Variants in ARRB1 observed in about 807,000 individuals in gnomAD.
The protein encoded by ARRB1 is beta-arrestin-1.
ARRB1 carries 21 observed loss-of-function variants against 56.8 expected under a neutral mutation model. The observed-to-expected ratio is 0.37, with a 90% CI of 0.26 to 0.53. The LOEUF (loss-of-function observed/expected upper bound fraction) is 0.53. Ranked by LOEUF, ARRB1 falls within the 20% of genes least tolerant of loss-of-function variation. ARRB1 has a pLI of 0.88. For missense variants in ARRB1, 424 were observed against 553.7 expected, an observed-to-expected ratio of 0.77 and a Z score of 2.35; for synonymous variants, 210 against 218.6, an observed-to-expected ratio of 0.96 and a Z score of 0.35.
At chr11:75,287,544 C>T (rs557229770) in intron 2 of ARRB1, among the ~76,000 whole-genome samples, 169 bp from the exon 3 acceptor site, 14 of 152,338 alleles carry the variant, frequency 9.2e-5, no homozygotes, top group South Asian at 2.1e-4. Flanking sequence ...TACCAAGATT[C>T]GCAAACCCCT....
intron 1 of ARRB1, among the ~76,000 whole-genome samples, chr11:75,348,951 A>G (rs567040816): frequency 8.7e-4 from 132 of 152,208 alleles, no homozygotes; most frequent in African/African-American, 3.1e-3. Context: ...GGGCAATGAC[A>G]GTTTGTGATA....
At chr11:75,321,044 G>A (rs564716116) in intron 1 of ARRB1, among the ~76,000 whole-genome samples, 1 of 152,248 alleles carries the variant, frequency 6.6e-6, no homozygotes, top group South Asian at 2.1e-4. Flanking sequence ...GGGCTAAGAG[G>A]CTCCCAGGGA....
rs1407430854 is a variant in ARRB1, at chr11:75,261,981, AGCTGCCGCTCTGGGATGCTGAC to A, written c.*4160_*4181del. 2 of 152,148 alleles carry A rather than the reference AGCTGCCGCTCTGGGATGCTGAC, an allele frequency of 1.3e-5. No individual in the cohort carries two copies. Among genetic ancestry groups the A allele is most frequent in the Non-Finnish European group, 2.9e-5 (2 of 68,034 alleles). 9.4% of individuals were successfully genotyped at this position (152,148 alleles called of 1,614,324 possible). ...AGTCCCCAGTGACAGGCAGGAGAGA[AGCTGCCGCTCTGGGATGCTGAC>A]GCCACTGCATCCGCTGTGGCTCGGC... On this transcript the variant is annotated 3_prime_UTR_variant, in exon 16 of 16. Coordinates refer to ENST00000420843, the MANE Select transcript of ARRB1 (RefSeq NM_004041.5).
chr11:75,274,004 G>C, intron 11 of ARRB1, 70 bp downstream of exon 11: 1 of 1,604,498 alleles, frequency 6.2e-7, no homozygotes, highest in Non-Finnish European at 8.5e-7. Flanking sequence ...GAACTGGGGG[G>C]ACCAAGGAGG....
intron 1 of ARRB1, among the ~76,000 whole-genome samples, chr11:75,338,339 C>G (rs1947642741): frequency 6.6e-6 from 1 of 152,160 alleles, no homozygotes; most frequent in South Asian, 2.1e-4. Flanking sequence ...AGGAGTGGGG[C>G]TTGACCTGAG....
rs1206340789 is a variant in ARRB1, at chr11:75,260,371, TC to T, written c.*5791del. The stretch of plus-strand genomic sequence containing the variant: ...GGACACAACCCATGCAGGCCCCCAT[TC>T]CATAGGAAGAGGCAGGTCCCACAGT... On this transcript the variant is annotated 3_prime_UTR_variant, in exon 16 of 16. Coordinates refer to ENST00000420843, the MANE Select transcript of ARRB1 (RefSeq NM_004041.5). The T allele has an allele frequency of 1.2e-4, 18 of 152,104 alleles. No homozygotes were observed. The highest frequency in any genetic ancestry group is 1.2e-3 in the Admixed American group (18 of 15,264). 9.4% of individuals were successfully genotyped at this position (152,104 alleles called of 1,614,324 possible). A position where few individuals can be genotyped will look rare whatever the true frequency, so the allele number is the denominator to read the frequency against.
At chr11:75,307,191 C>T (rs557823438) in intron 1 of ARRB1, among the ~76,000 whole-genome samples, 15 of 152,280 alleles carry the variant, frequency 9.9e-5, no homozygotes, top group South Asian at 4.2e-4. Context: ...CATCTCCGTC[C>T]GTAGCTGCTG....
intron 1 of ARRB1, among the ~76,000 whole-genome samples, chr11:75,304,917 T>A (rs1483449056): frequency 1.3e-5 from 2 of 149,866 alleles, no homozygotes; most frequent in African/African-American, 2.5e-5. Flanking sequence ...AAAAAAAGTT[T>A]AAAAAAAAGA....
At chr11:75,311,822 C>T (rs1003267177) in intron 1 of ARRB1, among the ~76,000 whole-genome samples, 2 of 152,148 alleles carry the variant, frequency 1.3e-5, no homozygotes, top group Non-Finnish European at 2.9e-5. Flanking sequence ...AATTCCTGTC[C>T]GGCGGCAGCA....
chr11:75,324,225 C>T (rs146033583), intron 1 of ARRB1, among the ~76,000 whole-genome samples: 144 of 152,332 alleles, frequency 9.5e-4, no homozygotes, highest in African/African-American at 3.4e-3. Flanking sequence ...TGTGTGCCCG[C>T]GCCCTCCCCC....
rs1459851213 is a variant in ARRB1, at chr11:75,260,952, T to A, written c.*5211A>T. ...AGCCTCTCTCCTATCACACTGCTTCTCCTGCTGTGTCCCTTGGGCCTAGGC... is the reference window on the plus strand; with the variant it reads ...AGCCTCTCTCCTATCACACTGCTTCACCTGCTGTGTCCCTTGGGCCTAGGC... On this transcript the variant is annotated 3_prime_UTR_variant, in exon 16 of 16. Transcript: ENST00000420843. The A allele has an allele frequency of 6.6e-6, 1 of 152,268 alleles. No homozygotes were observed. Among genetic ancestry groups the A allele is most frequent in the Non-Finnish European group, 1.5e-5 (1 of 68,098 alleles). 9.4% of individuals were successfully genotyped at this position (152,268 alleles called of 1,614,324 possible).
At chr11:75,306,540 T>C (rs984691737) in intron 1 of ARRB1, 72 of 1,194,916 alleles carry the variant, frequency 6.0e-5, no homozygotes, top group Non-Finnish European at 7.9e-5. Context: ...GTGAGTCAGA[T>C]AGAAAGTCTT....
intron 1 of ARRB1, among the ~76,000 whole-genome samples, chr11:75,293,994 A>G (rs1424833542): frequency 6.6e-6 from 1 of 151,698 alleles, no homozygotes; most frequent in African/African-American, 2.4e-5. Flanking sequence ...TGTGACTCCC[A>G]CTCTGACACT....
intron 1 of ARRB1, among the ~76,000 whole-genome samples, chr11:75,301,527 T>C (rs1486175441): frequency 6.6e-6 from 1 of 152,124 alleles, no homozygotes; most frequent in Admixed American, 6.5e-5. Flanking sequence ...GCCAGGGCCA[T>C]ATTTTGGACC....
intron 12 of ARRB1, among the ~76,000 whole-genome samples, chr11:75,272,378 G>A (rs1375298906): frequency 6.6e-6 from 1 of 152,242 alleles, no homozygotes; most frequent in Non-Finnish European, 1.5e-5. Context: ...TAGGAGAGGA[G>A]ATTTCAGGCA....
intron 1 of ARRB1, among the ~76,000 whole-genome samples, chr11:75,306,914 A>G (rs751664423): frequency 1.5e-4 from 23 of 152,300 alleles, no homozygotes; most frequent in Middle Eastern, 3.4e-3. Context: ...CCATTCCAGC[A>G]GTCCAGCCTG....
At position 75,287,373 on chromosome 11, in the gene ARRB1, G is replaced by T; in HGVS notation, c.54C>A (p.Leu18=). The T allele has an allele frequency of 6.4e-7, 1 of 1,559,488 alleles. No individual in the cohort carries two copies. The change falls in exon 3 of 16, where the codon CTC becomes CTA. Residue 18 remains leucine, a splice_region_variant and synonymous_variant. Transcript: ENST00000420843. ...VFKKASPNGK[L]TVYLGKRDFV... ...AGTCCCGCTTTCCCAGGTAGACGGT[G>T]AGCTGAGGAGGAGAGGCATAGGGGG...
rs1380189884 is a variant in ARRB1 at position 75,289,953 on chromosome 11, A to G, written c.51+56T>C. 2.5e-6 allele frequency: 4 copies of G among 1,612,902 alleles called. No individual in the cohort carries two copies. The South Asian group carries it at 4.4e-5, about 18-fold the overall frequency. On this transcript the variant is annotated intron_variant, in intron 2 of 15. Transcript: ENST00000420843. ...TGCCGTTTCCTCTGCTTCCCAAGAG[A>G]AAATGACCAGAGTGTGAGGTCAGGG...
intron 3 of ARRB1, among the ~76,000 whole-genome samples, chr11:75,285,702 G>T (rs951107935): frequency 6.6e-6 from 1 of 152,130 alleles, no homozygotes; most frequent in African/African-American, 2.4e-5. Context: ...GGATACCAGG[G>T]CTCACAAGGG....
Sources: gnomAD v4.1 joint callset for allele counts (sites outside exome capture counted in the v4.1 genomes callset) on GRCh38, gnomAD v4.1.1 for gene constraint, MANE v1.5 for transcripts, NCBI Gene and HGNC (gene_info 2026-07-23, HGNC 2026-07-21) for gene names.